The following SPAG16 variants were observed in gnomAD, a reference collection of about 807,000 sequenced individuals.
SPAG16 encodes the protein sperm-associated antigen 16 protein.
Under a neutral mutation model 80.4 loss-of-function variants are expected in SPAG16, and 86 were observed. That is an observed-to-expected ratio of 1.07 (90% CI 0.90 to 1.28). The LOEUF is 1.28. SPAG16 is among the 50% of genes most tolerant of loss of function. The pLI, the probability that SPAG16 is intolerant of heterozygous loss-of-function variation, is 0.00. For synonymous variants in SPAG16, 294 were observed against 265.9 expected (o/e 1.11, Z -1.03); for missense variants, 870 against 765.3 (o/e 1.14, Z -1.61).
chr2:213,685,422 C>G (rs892744961), intron 10 of SPAG16, among the ~76,000 whole-genome samples: 1 of 152,186 alleles, frequency 6.6e-6, no homozygotes, highest in African/African-American at 2.4e-5. Context: ...AGGAAAGAGG[C>G]CTGGAACTGA....
At chr2:213,601,352 A>C (rs1410156160) in intron 10 of SPAG16, among the ~76,000 whole-genome samples, 1 of 152,170 alleles carries the variant, frequency 6.6e-6, no homozygotes, top group Non-Finnish European at 1.5e-5. Context: ...TTTTCAGTTC[A>C]TCATGTTAAA....
intron 4 of SPAG16, 145 bp downstream of exon 4, chr2:213,310,322 ACACACACACAC>A: frequency 3.4e-3 from 2 of 596 alleles, no homozygotes; most frequent in Non-Finnish European, 3.1e-3. Context: ...AAACCACAAC[ACACACACACAC>A]ACACACACAC....
intron 11 of SPAG16, among the ~76,000 whole-genome samples, chr2:213,909,531 A>G (rs1167669678): frequency 1.3e-5 from 2 of 151,970 alleles, no homozygotes; most frequent in African/African-American, 2.4e-5. Flanking sequence ...AAACAGAGAC[A>G]TAGATCAATG....
At chr2:213,338,711 A>G (rs1242251243) in intron 5 of SPAG16, among the ~76,000 whole-genome samples, 1 of 152,222 alleles carries the variant, frequency 6.6e-6, no homozygotes, top group African/African-American at 2.4e-5. Context: ...TGTCCTTTGT[A>G]GCGACATGGA....
chr2:214,010,538 A>T (rs2047234078), intron 12 of SPAG16, among the ~76,000 whole-genome samples: 1 of 146,626 alleles, frequency 6.8e-6, no homozygotes, highest in South Asian at 2.1e-4. Context: ...GTAAACAGCA[A>T]ACGAACCCCA....
chr2:213,605,477 C>G (rs2061225428), intron 10 of SPAG16, among the ~76,000 whole-genome samples: 1 of 151,898 alleles, frequency 6.6e-6, no homozygotes, highest in African/African-American at 2.4e-5. Flanking sequence ...ATAGCAAGAC[C>G]CCATCTTTAC....
At chr2:213,771,601 C>T (rs941185644) in intron 10 of SPAG16, among the ~76,000 whole-genome samples, 3 of 152,078 alleles carry the variant, frequency 2.0e-5, no homozygotes, top group East Asian at 1.9e-4. Flanking sequence ...ACATTTAAGT[C>T]TTTAATCCAT....
At position 213,306,713 on chromosome 2, in the gene SPAG16, T is replaced by C. The variant is rs1049623881; in HGVS notation, c.280-3346T>C. ...GGCTGAGTTCTGCCTGGTGTTGCTT[T>C]CTGCCATGATGATGCAGCACTATTT... On this transcript the variant is annotated intron_variant, in intron 3 of 15. Transcript: ENST00000331683. 3.3e-5 allele frequency among the ~76,000 whole-genome samples: 5 copies of C among 152,140 alleles called. No individual in the cohort carries two copies. In the East Asian group the frequency reaches 9.8e-4, roughly 30 times the overall value.
chr2:214,041,312 T>C (rs2048994018), intron 13 of SPAG16, among the ~76,000 whole-genome samples: 1 of 152,122 alleles, frequency 6.6e-6, no homozygotes, highest in Admixed American at 6.5e-5. Flanking sequence ...CTGTTACTTT[T>C]TGGGGGTTGC....
chr2:213,564,258 G>A (rs2059688320), intron 10 of SPAG16, among the ~76,000 whole-genome samples: 1 of 152,006 alleles, frequency 6.6e-6, no homozygotes, highest in African/African-American at 2.4e-5. Context: ...TGTCTGGGAG[G>A]CTAAGGCAGG....
In SPAG16 at chr2:214,037,864, G is replaced by GGTATGTGTGT. The variant is rs374110237; in HGVS notation, c.1527+23789_1527+23790insATGTGTGTGT. On this transcript the variant is annotated intron_variant, in intron 13 of 15. Coordinates refer to ENST00000331683, the MANE Select transcript of SPAG16 (RefSeq NM_024532.5). ...GCTCTGTTATTATTCCCAGAAGCCT[G>GGTATGTGTGT]GTGTGTGTGTGTGTGTGTGTGTGTG... 2.8e-3 allele frequency among the ~76,000 whole-genome samples: 379 copies of GGTATGTGTGT among 133,700 alleles called. 2 individuals carry two copies. Among genetic ancestry groups the GGTATGTGTGT allele is most frequent in the African/African-American group, 0.01 (343 of 33,904 alleles). 87.7% of individuals were successfully genotyped at this position (133,700 alleles called of 152,430 possible).
chr2:214,107,992 C>G (rs1048945535), intron 13 of SPAG16, among the ~76,000 whole-genome samples: 4 of 151,560 alleles, frequency 2.6e-5, no homozygotes, highest in Non-Finnish European at 5.9e-5. Context: ...AGTGTAGATA[C>G]CAGTACTATG....
chr2:214,397,334 A>G (rs1188262920), intron 15 of SPAG16, among the ~76,000 whole-genome samples: 1 of 151,712 alleles, frequency 6.6e-6, no homozygotes, highest in East Asian at 1.9e-4. Flanking sequence ...TAATTTTTGT[A>G]TTTTTAGTAG....
At chr2:214,316,067 C>T (rs567518118) in intron 15 of SPAG16, among the ~76,000 whole-genome samples, 73 of 151,666 alleles carry the variant, frequency 4.8e-4, no homozygotes, top group Non-Finnish European at 7.9e-4. Flanking sequence ...TTCTGTATAA[C>T]AACTTCTTTG....
At chr2:213,675,542 C>T (rs1440090768) in intron 10 of SPAG16, among the ~76,000 whole-genome samples, 10 of 152,182 alleles carry the variant, frequency 6.6e-5, no homozygotes, top group African/African-American at 2.2e-4. Context: ...GTCTTTAATC[C>T]ATCTTGAATT....
chr2:214,108,480 C>CACACACACA (rs56781283), intron 14 of SPAG16, among the ~76,000 whole-genome samples: 637 of 52,524 alleles, frequency 0.012, 3 homozygotes, highest in Non-Finnish European at 0.013. Context: ...CACACACACA[C>CACACACACA]CCCCACACAC....
chr2:213,702,273 T>C (rs1211420575), intron 10 of SPAG16, among the ~76,000 whole-genome samples: 2 of 152,168 alleles, frequency 1.3e-5, no homozygotes, highest in African/African-American at 2.4e-5. Flanking sequence ...TGGGGCCAGA[T>C]AAGGGAATAA....
chr2:214,219,815 C>A (rs879778622), intron 15 of SPAG16, among the ~76,000 whole-genome samples: 4 of 152,050 alleles, frequency 2.6e-5, no homozygotes, highest in Admixed American at 2.6e-4. Context: ...TTGCATGTGG[C>A]AATTCCCAGC....
intron 15 of SPAG16, among the ~76,000 whole-genome samples, chr2:214,173,870 A>T (rs1559104459): frequency 6.6e-6 from 1 of 152,038 alleles, no homozygotes; most frequent in African/African-American, 2.4e-5. Flanking sequence ...CAAAAAGCTT[A>T]TCCACCATGA....
Sources: gnomAD v4.1 joint callset for allele counts (sites outside exome capture counted in the v4.1 genomes callset) on GRCh38, gnomAD v4.1.1 for gene constraint, MANE v1.5 for transcripts, NCBI Gene and HGNC (gene_info 2026-07-23, HGNC 2026-07-21) for gene names.